Variants in SCN8A observed in about 807,000 individuals in gnomAD.
SCN8A encodes the protein sodium voltage-gated channel alpha subunit 8.
SCN8A carries 30 observed loss-of-function variants against 184.1 expected under a neutral mutation model. The ratio of observed to expected loss-of-function variants is 0.16; its 90% CI spans 0.12 to 0.22. The LOEUF is 0.22. Among genes scored for constraint, SCN8A ranks in the 10% least tolerant of loss-of-function variants. SCN8A has a pLI of 1.00. For synonymous variants in SCN8A, 852 were observed against 907.0 expected (o/e 0.94, Z 1.09); for missense variants, 1,057 against 2,498.9 (o/e 0.42, Z 12.30).
chr12:51,766,915 T>C (rs1942846539), intron 16 of SCN8A, among the ~76,000 whole-genome samples: 1 of 152,180 alleles, frequency 6.6e-6, no homozygotes, highest in Non-Finnish European at 1.5e-5. Context: ...CACCTGCAAG[T>C]GTAGGGCAAA....
chr12:51,624,949 A>C (rs956302361), intron 1 of SCN8A, among the ~76,000 whole-genome samples: 9 of 151,630 alleles, frequency 5.9e-5, no homozygotes, highest in Non-Finnish European at 1.2e-4. Context: ...TACCCCCTTC[A>C]GTGAGTTTAT....
intron 1 of SCN8A, among the ~76,000 whole-genome samples, chr12:51,635,576 A>G (rs1288738717): frequency 2.0e-5 from 3 of 152,188 alleles, no homozygotes; most frequent in South Asian, 4.1e-4. Context: ...TCACTCATAG[A>G]TACAAGAATG....
At chr12:51,697,510 A>C (rs552633353) in intron 6 of SCN8A, among the ~76,000 whole-genome samples, 2 of 152,312 alleles carry the variant, frequency 1.3e-5, no homozygotes, top group African/African-American at 4.8e-5. Context: ...TTACTTGCAA[A>C]ATACAGCAAA....
intron 25 of SCN8A, among the ~76,000 whole-genome samples, chr12:51,791,056 C>T (rs545719667): frequency 2.6e-5 from 4 of 152,266 alleles, no homozygotes; most frequent in African/African-American, 9.6e-5. Context: ...TCCATTGTTC[C>T]ATTGGTGATG....
Position 51,790,648 on chromosome 12 carries a change from A to G in SCN8A, c.4524+146A>G, listed in dbSNP as rs551856364. The G allele has an allele frequency of 9.7e-5, 57 of 590,116 alleles. No individual in the cohort carries two copies. The Middle Eastern group carries it at 2.6e-3, about 27-fold the overall frequency. 36.6% of individuals were successfully genotyped at this position (590,116 alleles called of 1,614,324 possible). A position where few individuals can be genotyped will look rare whatever the true frequency, so the allele number is the denominator to read the frequency against. ...CACCACCCATCCAAAAGATCTGAAT[A>G]GGACAGCAGAAGAACAGGGATTAAG... is the stretch of plus-strand genomic sequence containing the variant. On this transcript the variant is annotated intron_variant, in intron 25 of 26. Transcript: ENST00000627620.
chr12:51,644,139 T>C (rs182281453), intron 1 of SCN8A, among the ~76,000 whole-genome samples: 1 of 152,332 alleles, frequency 6.6e-6, no homozygotes, highest in African/African-American at 2.4e-5. Context: ...CAACTTTGCT[T>C]AGTCTGTCAG....
chr12:51,739,391 G>A (rs1592136945), intron 12 of SCN8A, among the ~76,000 whole-genome samples: 2 of 152,054 alleles, frequency 1.3e-5, no homozygotes, highest in South Asian at 4.2e-4. Flanking sequence ...ATGTCCTCCG[G>A]AAAAGAAAGA....
chr12:51,649,454 C>T (rs1311693702), intron 1 of SCN8A, among the ~76,000 whole-genome samples: 1 of 152,250 alleles, frequency 6.6e-6, no homozygotes, highest in African/African-American at 2.4e-5. Context: ...CGTCCTGCCC[C>T]ACAGCAAACT....
chr12:51,762,079 T>C (rs1162328977), intron 14 of SCN8A, among the ~76,000 whole-genome samples: 1 of 152,232 alleles, frequency 6.6e-6, no homozygotes, highest in Non-Finnish European at 1.5e-5. Flanking sequence ...TTTGGTAAGA[T>C]ATAATGTCAA....
At chr12:51,759,780 C>T (rs1446033917) in intron 14 of SCN8A, among the ~76,000 whole-genome samples, 1 of 152,184 alleles carries the variant, frequency 6.6e-6, no homozygotes, top group Non-Finnish European at 1.5e-5. Context: ...GTTACCACAA[C>T]AGAGTACCAT....
chr12:51,674,156 G>T (rs1404187627), intron 2 of SCN8A, among the ~76,000 whole-genome samples: 1 of 152,094 alleles, frequency 6.6e-6, no homozygotes, highest in East Asian at 1.9e-4. Flanking sequence ...CATCCTAAGG[G>T]GTTTTGTTTT....
chr12:51,688,901 C>A, intron 5 of SCN8A, 104 bp from the exon 6 acceptor site: 1 of 1,556,674 alleles, frequency 6.4e-7, no homozygotes, highest in Admixed American at 1.7e-5. Context: ...CCTGACGTGA[C>A]GTATTGTACT....
intron 20 of SCN8A, among the ~76,000 whole-genome samples, chr12:51,778,776 T>C (rs1301971757): frequency 5.3e-5 from 8 of 152,196 alleles, no homozygotes; most frequent in Non-Finnish European, 5.9e-5. Context: ...GTAGATTGTT[T>C]CTTTTTTTTT....
At chr12:51,594,498 C>T (rs1939301256) in intron 1 of SCN8A, among the ~76,000 whole-genome samples, 1 of 152,064 alleles carries the variant, frequency 6.6e-6, no homozygotes, top group African/African-American at 2.4e-5. Flanking sequence ...CTTTAATGTG[C>T]TGGTATTATG....
intron 1 of SCN8A, among the ~76,000 whole-genome samples, chr12:51,606,863 A>G (rs141098352): frequency 0.011 from 1,626 of 147,086 alleles, 14 homozygotes; most frequent in Non-Finnish European, 0.017. Context: ...TTTTGTGGCT[A>G]TTGTAAGAGG....
At chr12:51,698,406 G>C (rs932391620) in intron 6 of SCN8A, among the ~76,000 whole-genome samples, 4 of 152,178 alleles carry the variant, frequency 2.6e-5, no homozygotes, top group Admixed American at 6.5e-5. Flanking sequence ...AAGTGAGCAG[G>C]GATGAGATTC....
chr12:51,676,884 A>G (rs2138694751), intron 2 of SCN8A, among the ~76,000 whole-genome samples: 1 of 152,094 alleles, frequency 6.6e-6, no homozygotes, highest in Middle Eastern at 3.4e-3. Context: ...CAGGATGGGG[A>G]GAATTGGTTG....
At chr12:51,711,989 C>T (rs1455469305) in intron 11 of SCN8A, among the ~76,000 whole-genome samples, 1 of 152,120 alleles carries the variant, frequency 6.6e-6, no homozygotes, top group East Asian at 1.9e-4. Context: ...ATGATCTTTA[C>T]TTGTTAACTC....
chr12:51,779,007 G>A (rs1937805965), intron 20 of SCN8A, among the ~76,000 whole-genome samples: 2 of 152,018 alleles, frequency 1.3e-5, no homozygotes, highest in Admixed American at 1.3e-4. Context: ...CCTGAGGTCA[G>A]GAGTTTGAGA....
Sources: gnomAD v4.1 joint callset for allele counts (sites outside exome capture counted in the v4.1 genomes callset) on GRCh38, gnomAD v4.1.1 for gene constraint, MANE v1.5 for transcripts, NCBI Gene and HGNC (gene_info 2026-07-23, HGNC 2026-07-21) for gene names.